The following CPXM2 variants were observed in gnomAD, a reference collection of about 807,000 sequenced individuals.
CPXM2 encodes carboxypeptidase X, M14 family member 2, also known as inactive carboxypeptidase-like protein X2.
In CPXM2, 66 loss-of-function variants were observed where a neutral mutation model predicts 86.1. The observed-to-expected ratio is 0.77, with a 90% confidence interval of 0.63 to 0.94. The LOEUF (loss-of-function observed/expected upper bound fraction) is 0.94. CPXM2 is among the 40% of genes least tolerant of loss of function. The pLI is 0.00. For synonymous variants in CPXM2, 388 were observed against 400.2 expected, an observed-to-expected ratio of 0.97 and a Z score of 0.36; for missense variants, 948 against 1,026.3, an observed-to-expected ratio of 0.92 and a Z score of 1.04.
At chr10:123,898,276 C>T (rs529718503) in intron 2 of CPXM2, among the ~76,000 whole-genome samples, 2 of 151,914 alleles carry the variant, frequency 1.3e-5, no homozygotes, top group African/African-American at 4.8e-5. Flanking sequence ...TTAAAATGGG[C>T]GTCAAACAAT....
intron 4 of CPXM2, among the ~76,000 whole-genome samples, chr10:123,835,135 G>T (rs1590049546): frequency 6.6e-6 from 1 of 152,186 alleles, no homozygotes; most frequent in East Asian, 1.9e-4. Flanking sequence ...AGGGGTGGGG[G>T]AGTTAGTGAG....
intron 2 of CPXM2, among the ~76,000 whole-genome samples, chr10:123,863,776 C>T (rs1400014992): frequency 6.6e-6 from 1 of 152,220 alleles, no homozygotes; most frequent in Non-Finnish European, 1.5e-5. Flanking sequence ...CAGCTTGGCC[C>T]CTGAGCCCAG....
chr10:123,906,769 C>G (rs970641608), intron 2 of CPXM2, among the ~76,000 whole-genome samples: 1 of 152,168 alleles, frequency 6.6e-6, no homozygotes, highest in Non-Finnish European at 1.5e-5. Flanking sequence ...AGGATTCAAG[C>G]CATCCCCATG....
In CPXM2 at chr10:123,768,686, C is replaced by T; in HGVS notation, c.1139G>A (p.Gly380Asp). 1.2e-6 allele frequency: 2 copies of T among 1,611,590 alleles called. No individual in the cohort carries two copies. Among genetic ancestry groups the T allele is most frequent in the South Asian group, 2.2e-5 (2 of 91,084 alleles). ...CAGCTCCCGGCCCAGCACCTCATTG[C>T]CGTGGGCCCCCGCGATGTAGTGGAA... Reference protein sequence around the residue: ...PEFHYIAGAHGNEVLGRELLL... With the variant: ...PEFHYIAGAHDNEVLGRELLL... Residue 380 changes from glycine (G) to aspartate (D), a missense_variant, in exon 9 of 14, where the codon GGC becomes GAC. Transcript: ENST00000241305.
rs1020683186 is a variant in CPXM2 at position 123,805,871 on chromosome 10, A to G, written c.654-6672T>C. Among the ~76,000 whole-genome samples the G allele has an allele frequency of 2.0e-5, 3 of 152,218 alleles. 1 individual carries two copies. The highest frequency in any genetic ancestry group is 7.2e-5 in the African/African-American group (3 of 41,454). Reference sequence around the variant, plus strand: ...ACAATATGCATCCTTGATTACTACAATCTAATTCAAATGATAATTTCTACT... The same window carrying G: ...ACAATATGCATCCTTGATTACTACAGTCTAATTCAAATGATAATTTCTACT... On this transcript the variant is annotated intron_variant, in intron 4 of 13. Transcript: ENST00000241305.
At chr10:123,881,232 T>TCTTCC (rs201527972) in intron 1 of CPXM2, among the ~76,000 whole-genome samples, 2,003 of 65,406 alleles carry the variant, frequency 0.031, 562 homozygotes, top group African/African-American at 0.13. Context: ...AGCACCCTTC[T>TCTTCC]CTTCCCTTCC....
chr10:123,911,988 AAGG>A (rs1945492260), intron 2 of CPXM2, among the ~76,000 whole-genome samples: 1 of 151,968 alleles, frequency 6.6e-6, no homozygotes, highest in Non-Finnish European at 1.5e-5. Flanking sequence ...TTAGAACAGA[AAGG>A]AGGGGGGAAG....
intron 2 of CPXM2, among the ~76,000 whole-genome samples, chr10:123,937,344 G>A (rs1459014054): frequency 1.3e-5 from 2 of 152,112 alleles, no homozygotes; most frequent in Non-Finnish European, 2.9e-5. Flanking sequence ...AGCTCAGGGG[G>A]CTTCCCTCAG....
intron 4 of CPXM2, among the ~76,000 whole-genome samples, chr10:123,829,374 A>AT (rs146304078): frequency 0.23 from 34,250 of 146,820 alleles, 5,015 homozygotes; most frequent in African/African-American, 0.42. Context: ...GTGGAAAAAA[A>AT]ATTTTTTTTT....
chr10:123,792,174 A>G (rs12570369), intron 6 of CPXM2, among the ~76,000 whole-genome samples: 7,074 of 152,248 alleles, frequency 0.046, 207 homozygotes, highest in East Asian at 0.092. Context: ...CTCACCACCT[A>G]TGGGATCTGG....
At chr10:123,776,565 A>G (rs1484542709) in intron 7 of CPXM2, 3 of 152,242 alleles carry the variant, frequency 2.0e-5, no homozygotes, top group African/African-American at 7.2e-5. Flanking sequence ...GAATTGGGAG[A>G]TAATCCAAAT....
chr10:123,879,084 C>T (rs550684785), intron 2 of CPXM2, among the ~76,000 whole-genome samples: 1 of 152,224 alleles, frequency 6.6e-6, no homozygotes, highest in Non-Finnish European at 1.5e-5. Flanking sequence ...AAGGAATATA[C>T]TTTACATTTG....
In CPXM2 at chr10:123,875,813, T is replaced by C. The variant is rs1448406832; in HGVS notation, c.403+4398A>G. On this transcript the variant is annotated intron_variant, in intron 2 of 13. Transcript: ENST00000241305. ...ATGTTTCTTTCTTTTCTTTCTTTTT[T>C]TTTTTTTTTTTTTTTTTTGGTGGGA... 5.8e-5 allele frequency among the ~76,000 whole-genome samples: 8 copies of C among 136,966 alleles called. No homozygotes were observed. The South Asian group carries it at 7.4e-4, about 13-fold the overall frequency. 89.9% of individuals were successfully genotyped at this position (136,966 alleles called of 152,430 possible).
chr10:123,937,520 C>CAT (rs939186533), intron 2 of CPXM2, among the ~76,000 whole-genome samples: 2 of 144,084 alleles, frequency 1.4e-5, no homozygotes, highest in Admixed American at 6.9e-5. Flanking sequence ...CACACACACA[C>CAT]TAGAATTCTG....
At chr10:123,875,807 CTTTTTTTTT>C (rs780970130) in intron 2 of CPXM2, among the ~76,000 whole-genome samples, 3 of 84,680 alleles carry the variant, frequency 3.5e-5, no homozygotes, top group African/African-American at 8.5e-5. Context: ...TCTTTTCTTT[CTTTTTTTTT>C]TTTTTTTTTT....
intron 13 of CPXM2, chr10:123,751,177 C>T (rs1294298629): frequency 7.6e-6 from 3 of 396,418 alleles, no homozygotes; most frequent in African/African-American, 6.5e-5. Context: ...GGCTTAGCGC[C>T]ACTGACGAGA....
At chr10:123,834,129 T>C (rs1848226907) in intron 4 of CPXM2, among the ~76,000 whole-genome samples, 1 of 152,152 alleles carries the variant, frequency 6.6e-6, no homozygotes, top group Non-Finnish European at 1.5e-5. Context: ...TGAGCTCTTA[T>C]TCACTCTGAC....
chr10:123,795,714 G>A (rs1414166165), intron 6 of CPXM2, among the ~76,000 whole-genome samples: 2 of 152,020 alleles, frequency 1.3e-5, no homozygotes, highest in East Asian at 3.9e-4. Flanking sequence ...AAAAAAAAAT[G>A]GTCCTCAATA....
upstream of CPXM2, among the ~76,000 whole-genome samples, chr10:123,893,754 C>A (rs534227527): frequency 2.1e-4 from 32 of 151,870 alleles, no homozygotes; most frequent in Non-Finnish European, 4.1e-4. Flanking sequence ...ACAACACAGT[C>A]TTTAGTGGTG....
Sources: gnomAD v4.1 joint callset for allele counts (sites outside exome capture counted in the v4.1 genomes callset) on GRCh38, gnomAD v4.1.1 for gene constraint, MANE v1.5 for transcripts, NCBI Gene and HGNC (gene_info 2026-07-23, HGNC 2026-07-21) for gene names.